RIPOR2: variants seen among roughly 807,000 people sequenced by gnomAD.
RIPOR2 encodes RHO family interacting cell polarization regulator 2, also known as rho family-interacting cell polarization regulator 2.
In RIPOR2, 39 loss-of-function variants were observed where a neutral mutation model predicts 114.5. That is an observed-to-expected ratio of 0.34 (90% CI 0.26 to 0.44). The LOEUF is 0.44. Among genes scored for constraint, RIPOR2 ranks in the 20% least tolerant of loss-of-function variants. RIPOR2 has a pLI of 1.00. For missense variants in RIPOR2, 1,007 were observed against 1,255.1 expected, an observed-to-expected ratio of 0.80 and a Z score of 2.99; for synonymous variants, 445 against 484.4, an observed-to-expected ratio of 0.92 and a Z score of 1.07.
At chr6:25,030,430 T>C (rs1257177760) in intron 1 of RIPOR2, among the ~76,000 whole-genome samples, 2 of 152,094 alleles carry the variant, frequency 1.3e-5, no homozygotes, top group East Asian at 3.9e-4. Context: ...CCCCAGAACT[T>C]GGGGGTTGTC....
chr6:25,038,755 T>C (rs1040830831), intron 1 of RIPOR2, among the ~76,000 whole-genome samples: 3 of 152,220 alleles, frequency 2.0e-5, no homozygotes, highest in Non-Finnish European at 4.4e-5. Context: ...TTCATGCCCA[T>C]GGAAGCTGTG....
At chr6:24,988,415 C>T (rs1295710094) in intron 1 of RIPOR2, among the ~76,000 whole-genome samples, 2 of 152,196 alleles carry the variant, frequency 1.3e-5, no homozygotes, top group Non-Finnish European at 2.9e-5. Context: ...CCCAGGTAAT[C>T]TGCCCTCCTT....
At chr6:24,979,283 CTTTT>C (rs60372040) in intron 1 of RIPOR2, among the ~76,000 whole-genome samples, 18,584 of 99,418 alleles carry the variant, frequency 0.19, 1,344 homozygotes, top group East Asian at 0.46. Context: ...TAGGGAAATT[CTTTT>C]TTTTTTTTTT....
chr6:24,921,887 T>C (rs923844861), intron 1 of RIPOR2, among the ~76,000 whole-genome samples: 1 of 151,910 alleles, frequency 6.6e-6, no homozygotes, highest in African/African-American at 2.4e-5. Context: ...TGGAGTGCAA[T>C]GGCGCAATCT....
rs1760360936 is a variant in RIPOR2 at position 24,828,298 on chromosome 6, A to G, written c.2507-3T>C. The G allele has an allele frequency of 1.3e-6, 2 of 1,539,606 alleles. No homozygotes were observed. The highest frequency in any genetic ancestry group is 1.8e-6 in the Non-Finnish European group (2 of 1,141,230). ...TTGGGACACCAGGGTTCGAAACACT[A>G]TTCGGAAGGGAAAGACACAAAGCAG... On this transcript the variant is annotated splice_polypyrimidine_tract_variant and splice_region_variant and intron_variant, in intron 17 of 21. Coordinates refer to ENST00000643898, the MANE Select transcript of RIPOR2 (RefSeq NM_001286445.3).
At chr6:25,034,092 T>TTATATA (rs3056859) in intron 1 of RIPOR2, among the ~76,000 whole-genome samples, 183 of 149,592 alleles carry the variant, frequency 1.2e-3, no homozygotes, top group African/African-American at 4.3e-3. Context: ...CAAAAAGGTT[T>TTATATA]TATATATATA....
At chr6:24,833,516 AAAC>A (rs888922146) in intron 15 of RIPOR2, among the ~76,000 whole-genome samples, 60 of 151,494 alleles carry the variant, frequency 4.0e-4, no homozygotes, top group African/African-American at 4.9e-4. Context: ...ACAAAAACAA[AAAC>A]AACAACAACA....
chr6:24,926,681 G>A (rs1236737305), intron 1 of RIPOR2, among the ~76,000 whole-genome samples: 2 of 152,118 alleles, frequency 1.3e-5, no homozygotes, highest in African/African-American at 4.8e-5. Flanking sequence ...AATAGAAGAG[G>A]GGAATTGTAT....
At chr6:24,927,635 A>T (rs1771058859) in intron 1 of RIPOR2, among the ~76,000 whole-genome samples, 1 of 151,940 alleles carries the variant, frequency 6.6e-6, no homozygotes, top group Non-Finnish European at 1.5e-5. Flanking sequence ...CAGTCCAACC[A>T]CTACCGCCAC....
At chr6:24,893,681 G>A in intron 1 of RIPOR2, among the ~76,000 whole-genome samples, 1 of 152,164 alleles carries the variant, frequency 6.6e-6, no homozygotes, top group Non-Finnish European at 1.5e-5. Flanking sequence ...CTCCACTCAG[G>A]CCAACATCTG....
intron 1 of RIPOR2, among the ~76,000 whole-genome samples, chr6:25,008,063 G>A (rs984341852): frequency 1.3e-5 from 2 of 152,038 alleles, no homozygotes; most frequent in South Asian, 4.2e-4. Context: ...ATTAAAATCA[G>A]TAGTAAGAAT....
At chr6:24,873,593 C>T (rs1765420389) in intron 3 of RIPOR2, 51 bp downstream of exon 3, 1 of 1,538,484 alleles carries the variant, frequency 6.5e-7, no homozygotes, top group Non-Finnish European at 8.8e-7. Flanking sequence ...CAGCTTTTCT[C>T]TGACCCCTTG....
chr6:24,871,724 C>T (rs1349662339), intron 4 of RIPOR2, among the ~76,000 whole-genome samples: 1 of 152,218 alleles, frequency 6.6e-6, no homozygotes, highest in African/African-American at 2.4e-5. Flanking sequence ...TTCCTGTGTG[C>T]TCATAGTATC....
At chr6:24,918,471 C>T (rs12202765) in intron 1 of RIPOR2, among the ~76,000 whole-genome samples, 6,124 of 152,188 alleles carry the variant, frequency 0.04, 177 homozygotes, top group Non-Finnish European at 0.058. Flanking sequence ...TAATTCTTTT[C>T]CAACTCCCTG....
At chr6:24,865,140 G>T (rs898311495) in intron 7 of RIPOR2, among the ~76,000 whole-genome samples, 161 bp downstream of exon 7, 2 of 152,128 alleles carry the variant, frequency 1.3e-5, no homozygotes, top group South Asian at 4.1e-4. Flanking sequence ...CAATTCTACC[G>T]ATTGCCTTTC....
chr6:25,009,799 G>T (rs772813288), intron 1 of RIPOR2, among the ~76,000 whole-genome samples: 4 of 152,176 alleles, frequency 2.6e-5, no homozygotes, highest in Non-Finnish European at 4.4e-5. Flanking sequence ...GCAGGATAAG[G>T]AAAGAACGAT....
chr6:24,871,353 AGTTTT>A (rs1003049037), intron 4 of RIPOR2, among the ~76,000 whole-genome samples: 14 of 152,004 alleles, frequency 9.2e-5, no homozygotes, highest in Admixed American at 7.9e-4. Context: ...ATTTAAGAAG[AGTTTT>A]GTTTTGTTTT....
In RIPOR2 at chr6:25,024,468, G is replaced by A. The variant is rs1358131030; in HGVS notation, c.76+17383C>T. ...GCCACCATAGGCCAGAACTCTCATG[G>A]AGCCTTTGCTGGACATAGTGTCTGG... On this transcript the variant is annotated intron_variant, in intron 1 of 13. Transcript: ENST00000510784. 9 of 867,106 alleles carry A rather than the reference G, an allele frequency of 1.0e-5. No individual in the cohort carries two copies. The African/African-American group carries it at 1.2e-4, about 11-fold the overall frequency. The allele number at this position is 867,106 out of a possible 1,614,324, so 53.7% of individuals were successfully genotyped here.
At chr6:24,921,921 C>T (rs887922130) in intron 1 of RIPOR2, among the ~76,000 whole-genome samples, 1 of 151,938 alleles carries the variant, frequency 6.6e-6, no homozygotes, top group Admixed American at 6.6e-5. Context: ...CCTCCACCTC[C>T]TGGGTTCAAG....
Sources: allele counts gnomAD v4.1 joint callset (sites outside exome capture counted in the v4.1 genomes callset), GRCh38; gene constraint gnomAD v4.1.1; transcripts MANE v1.5; gene names NCBI Gene and HGNC (gene_info 2026-07-23, HGNC 2026-07-21).